FARSB: variants seen among roughly 807,000 people sequenced by gnomAD.
The protein encoded by FARSB is phenylalanyl-tRNA synthetase subunit beta.
In FARSB, 40 loss-of-function variants were observed where a neutral mutation model predicts 69.6. The ratio of observed to expected loss-of-function variants is 0.57; its 90% CI spans 0.45 to 0.75. FARSB has a LOEUF of 0.75. Among genes scored for constraint, FARSB ranks in the 30% least tolerant of loss-of-function variants. The pLI, the probability that FARSB is intolerant of heterozygous loss-of-function variation, is 0.00. For synonymous variants in FARSB, 235 were observed against 247.2 expected (o/e 0.95, Z 0.46); for missense variants, 632 against 722.9 (o/e 0.87, Z 1.44).
At chr2:222,624,589 C>G (rs1300653767) in intron 11 of FARSB, 110 bp from the exon 12 acceptor site, 53 of 928,168 alleles carry the variant, frequency 5.7e-5, no homozygotes, top group Non-Finnish European at 5.9e-5. Flanking sequence ...TTTTTGAGTT[C>G]TATCAGAAAC....
chr2:222,572,413 ACCTGTTTTCAAACAGGTTTTT>A (rs1689740443), intron 16 of FARSB, among the ~76,000 whole-genome samples: 1 of 152,130 alleles, frequency 6.6e-6, no homozygotes, highest in East Asian at 1.9e-4. Context: ...AATGGGAAGA[ACCTGTTTTCAAACAGGTTTTT>A]CCATAGCAAC....
intron 1 of FARSB, among the ~76,000 whole-genome samples, chr2:222,654,702 CAT>C (rs1267419189): frequency 1.3e-5 from 2 of 152,278 alleles, no homozygotes; most frequent in African/African-American, 4.8e-5. Context: ...AAGAATATCA[CAT>C]AGAGAATAGG....
At chr2:222,655,404 C>T (rs1692147384) in intron 1 of FARSB, among the ~76,000 whole-genome samples, 1 of 152,136 alleles carries the variant, frequency 6.6e-6, no homozygotes, top group African/African-American at 2.4e-5. Context: ...TTGTTCTTGG[C>T]ACAACACCTT....
intron 16 of FARSB, among the ~76,000 whole-genome samples, chr2:222,589,694 G>C (rs1231861382): frequency 1.3e-5 from 2 of 152,086 alleles, no homozygotes; most frequent in Non-Finnish European, 2.9e-5. Flanking sequence ...CCATCAAAAA[G>C]TAGGCGAAGG....
chr2:222,619,328 A>G (rs1691081811), intron 14 of FARSB, among the ~76,000 whole-genome samples: 1 of 151,890 alleles, frequency 6.6e-6, no homozygotes, highest in South Asian at 2.1e-4. Flanking sequence ...TTAAAAAAAA[A>G]AAAAAAAAAT....
chr2:222,588,472 A>G (rs570796569), intron 16 of FARSB, among the ~76,000 whole-genome samples: 108 of 152,332 alleles, frequency 7.1e-4, no homozygotes, highest in African/African-American at 2.4e-3. Flanking sequence ...GCCCTCTCTC[A>G]CCACTCCTAT....
chr2:222,642,376 A>T (rs1330518203), intron 3 of FARSB, among the ~76,000 whole-genome samples: 1 of 152,248 alleles, frequency 6.6e-6, no homozygotes, highest in Non-Finnish European at 1.5e-5. Context: ...AATTGAAACT[A>T]GAGAGGCCAA....
At chr2:222,583,307 A>G (rs571787328) in intron 16 of FARSB, among the ~76,000 whole-genome samples, 8 of 152,350 alleles carry the variant, frequency 5.3e-5, no homozygotes, top group African/African-American at 1.9e-4. Context: ...ACATTTATTA[A>G]TTATAATGGA....
chr2:222,624,845 T>C lies in FARSB; in HGVS notation c.901-70A>G, dbSNP rs549967154. On this transcript the variant is annotated intron_variant, in intron 10 of 16. Transcript: ENST00000281828. ...ACAGCTTTAGAGTCTTTTCCATTAG[T>C]CATTATTGCAGTTCTATTACGTTCC... 4 of 901,404 alleles carry C rather than the reference T, an allele frequency of 4.4e-6. No individual in the cohort carries two copies. In the South Asian group the frequency reaches 6.2e-5, roughly 14 times the overall value. The allele number at this position is 901,404 out of a possible 1,614,324, so 55.8% of individuals were successfully genotyped here.
chr2:222,605,185 C>G (rs1431312701), intron 15 of FARSB, among the ~76,000 whole-genome samples: 2 of 151,900 alleles, frequency 1.3e-5, no homozygotes, highest in Non-Finnish European at 2.9e-5. Flanking sequence ...CTCTCTCTCT[C>G]TCTCTCTCTG....
At chr2:222,603,598 G>A (rs1027030472) in intron 15 of FARSB, among the ~76,000 whole-genome samples, 1 of 149,980 alleles carries the variant, frequency 6.7e-6, no homozygotes, top group Non-Finnish European at 1.5e-5. Context: ...AGCTCAGAAT[G>A]ATTAAGTAAC....
intron 14 of FARSB, among the ~76,000 whole-genome samples, 163 bp downstream of exon 14, chr2:222,619,482 G>A (rs561617400): frequency 2.8e-4 from 42 of 152,162 alleles, no homozygotes; most frequent in Non-Finnish European, 5.1e-4. Context: ...AAGAATTTTT[G>A]GCAGCAAAGC....
intron 16 of FARSB, among the ~76,000 whole-genome samples, chr2:222,586,513 T>C (rs1002962935): frequency 1.3e-5 from 2 of 152,090 alleles, no homozygotes; most frequent in Non-Finnish European, 2.9e-5. Flanking sequence ...CATAATAATA[T>C]TAACCTTAAA....
At chr2:222,627,140 C>T (rs1429776842) in intron 10 of FARSB, among the ~76,000 whole-genome samples, 3 of 152,184 alleles carry the variant, frequency 2.0e-5, no homozygotes, top group South Asian at 4.1e-4. Context: ...CTGTCATAAA[C>T]TGCAAAAATG....
intron 2 of FARSB, among the ~76,000 whole-genome samples, chr2:222,643,670 A>G (rs577642281): frequency 6.6e-6 from 1 of 152,352 alleles, no homozygotes; most frequent in South Asian, 2.1e-4. Flanking sequence ...AAAAACAGTC[A>G]GAGACCATCA....
chr2:222,580,902 T>C (rs140165816), intron 16 of FARSB, among the ~76,000 whole-genome samples: 12 of 151,868 alleles, frequency 7.9e-5, no homozygotes, highest in East Asian at 5.8e-4. Flanking sequence ...AGGGGAGAAG[T>C]AGAGGAAAGT....
chr2:222,601,758 G>C (rs1447014314), intron 15 of FARSB, among the ~76,000 whole-genome samples: 1 of 152,016 alleles, frequency 6.6e-6, no homozygotes, highest in Non-Finnish European at 1.5e-5. Flanking sequence ...CAACTTCCTG[G>C]GCTCAAGCAA....
At chr2:222,585,753 G>A (rs548272097) in intron 16 of FARSB, among the ~76,000 whole-genome samples, 1 of 152,286 alleles carries the variant, frequency 6.6e-6, no homozygotes, top group East Asian at 1.9e-4. Context: ...ATTGGATCAA[G>A]GGGAAGAAAG....
chr2:222,654,691 G>A (rs1179575365), intron 1 of FARSB, among the ~76,000 whole-genome samples: 1 of 152,136 alleles, frequency 6.6e-6, no homozygotes, highest in Non-Finnish European at 1.5e-5. Flanking sequence ...CAGAACTTAC[G>A]AAGAATATCA....
Sources: gnomAD v4.1 joint callset for allele counts (sites outside exome capture counted in the v4.1 genomes callset) on GRCh38, gnomAD v4.1.1 for gene constraint, MANE v1.5 for transcripts, NCBI Gene and HGNC (gene_info 2026-07-23, HGNC 2026-07-21) for gene names.